Variants in INTS6L observed in about 807,000 individuals in gnomAD.
INTS6L encodes the protein integrator complex subunit 6 like, also known as integrator complex subunit 6-like.
Under a neutral mutation model 64.7 loss-of-function variants are expected in INTS6L, and 18 were observed. The observed-to-expected ratio is 0.28, with a 90% confidence interval of 0.19 to 0.41. INTS6L has a LOEUF of 0.41. Among genes scored for constraint, INTS6L ranks in the 10% least tolerant of loss-of-function variants. The pLI, the probability that INTS6L is intolerant of heterozygous loss-of-function variation, is 1.00. For synonymous variants in INTS6L, 227 were observed against 235.9 expected (o/e 0.96, Z 0.34); for missense variants, 533 against 661.0 (o/e 0.81, Z 2.12).
chrX:135,545,899 A>G (rs2086341332), intron 3 of INTS6L, among the ~76,000 whole-genome samples: 1 of 111,459 alleles, frequency 9.0e-6, no homozygotes, highest in East Asian at 2.8e-4. Flanking sequence ...AATTTGATGA[A>G]AAAGCTCTAG....
chrX:135,570,796 A>G (rs1324037131), intron 11 of INTS6L: 7 of 306,873 alleles, frequency 2.3e-5, no homozygotes, highest in Non-Finnish European at 4.0e-5. Context: ...AAGCTGGTTG[A>G]TATGGGGCAG....
chrX:135,548,332 T>C (rs1190037763), intron 6 of INTS6L, among the ~76,000 whole-genome samples: 1 of 111,046 alleles, frequency 9.0e-6, no homozygotes, highest in Admixed American at 9.6e-5. Flanking sequence ...AGTGACACAT[T>C]CACAATTTTG....
chrX:135,562,564 T>C (rs1246797078), intron 9 of INTS6L, among the ~76,000 whole-genome samples: 2 of 111,940 alleles, frequency 1.8e-5, no homozygotes, highest in African/African-American at 3.2e-5. Context: ...TTCTGTCTAT[T>C]TGCTCTATCA....
chrX:135,549,509 C>G, intron 6 of INTS6L, 133 bp from the exon 7 acceptor site: 54 of 719,205 alleles, frequency 7.5e-5, no homozygotes, highest in Non-Finnish European at 3.0e-5. Context: ...ACTTTTTTTT[C>G]TTCTTCCATT....
intron 15 of INTS6L, 122 bp downstream of exon 15, chrX:135,577,549 C>A: frequency 1.5e-6 from 1 of 679,061 alleles, no homozygotes; most frequent in Non-Finnish European, 2.2e-6. Flanking sequence ...TAAGCCATTA[C>A]TAAATCATCT....
At chrX:135,527,970 G>A (rs2148563765) in intron 2 of INTS6L, among the ~76,000 whole-genome samples, 1 of 111,241 alleles carries the variant, frequency 9.0e-6, no homozygotes, top group South Asian at 3.9e-4. Context: ...TTCACAGAGT[G>A]AAAAAATATG....
chrX:135,563,633 G>GTATATATA (rs1221791167), intron 9 of INTS6L, among the ~76,000 whole-genome samples: 1 of 10,383 alleles, frequency 9.6e-5, no homozygotes, highest in East Asian at 2.2e-3. Context: ...GTGTGTGTGT[G>GTATATATA]TATATATATA....
intron 4 of INTS6L, 116 bp downstream of exon 4, chrX:135,546,585 C>A: frequency 9.9e-7 from 1 of 1,008,996 alleles, no homozygotes; most frequent in Non-Finnish European, 1.3e-6. Context: ...CTTGGTAATC[C>A]TTGAAAGACT....
At chrX:135,553,625 A>G (rs1556517929) in intron 8 of INTS6L, among the ~76,000 whole-genome samples, 6 of 108,670 alleles carry the variant, frequency 5.5e-5, no homozygotes, top group Non-Finnish European at 1.9e-5. Context: ...GCCTGGCCAT[A>G]TTCTGTTTTT....
chrX:135,526,276 T>TG (rs1303696970), intron 2 of INTS6L, among the ~76,000 whole-genome samples: 1 of 111,198 alleles, frequency 9.0e-6, no homozygotes, highest in Non-Finnish European at 1.9e-5. Context: ...CATTCCCCTA[T>TG]GAAAAAAAAA....
At chrX:135,546,515 A>G (rs375005472) in intron 4 of INTS6L, 46 bp downstream of exon 4, 117 of 1,041,126 alleles carry the variant, frequency 1.1e-4, no homozygotes, top group Non-Finnish European at 1.4e-4. Flanking sequence ...GGCAGGGAAC[A>G]TGCAGCTATT....
intron 8 of INTS6L, among the ~76,000 whole-genome samples, chrX:135,554,883 CTTTTTTTTTT>C (rs35845600): frequency 2.0e-5 from 1 of 50,472 alleles, no homozygotes; most frequent in Admixed American, 3.7e-4. Context: ...ACCAGCATAA[CTTTTTTTTTT>C]TTTTTTTTTT....
At chrX:135,524,076 T>G (rs1386116498) in intron 2 of INTS6L, among the ~76,000 whole-genome samples, 1 of 111,803 alleles carries the variant, frequency 8.9e-6, no homozygotes, top group Non-Finnish European at 1.9e-5. Flanking sequence ...ATGCCATATT[T>G]TGGTAGCATT....
At chrX:135,578,127 C>T (rs988952238) in intron 15 of INTS6L, among the ~76,000 whole-genome samples, 1 of 111,474 alleles carries the variant, frequency 9.0e-6, no homozygotes, top group Non-Finnish European at 1.9e-5. Context: ...CATAGGGCCT[C>T]AAAACTCAAT....
At chrX:135,521,154 G>C (rs782474025) in intron 1 of INTS6L, 51 bp downstream of exon 1, 1 of 1,185,743 alleles carries the variant, frequency 8.4e-7, no homozygotes, top group Non-Finnish European at 1.1e-6. Flanking sequence ...GGATTTCAGG[G>C]TGTGGATTGA....
At position 135,520,864 on chromosome X, in the gene INTS6L, C is replaced by G. The variant is rs1167823531; in HGVS notation, c.-129C>G. The G allele has an allele frequency of 3.4e-5, 23 of 671,755 alleles. No individual in the cohort carries two copies. Among genetic ancestry groups the G allele is most frequent in the Non-Finnish European group, 5.3e-5 (23 of 433,858 alleles). The allele number at this position is 671,755 out of a possible 1,213,427, so 55.4% of individuals were successfully genotyped here. ...CGGTCCCATCCGTCCCGTCCCGTCC[C>G]GTCTCCCCCTCTTCCTCTTGCTCCT... On this transcript the variant is annotated 5_prime_UTR_variant, in exon 1 of 18. Coordinates refer to ENST00000639893, the MANE Select transcript of INTS6L (RefSeq NM_001351601.3).
At chrX:135,540,132 C>T (rs1427767304) in intron 2 of INTS6L, among the ~76,000 whole-genome samples, 5 of 111,840 alleles carry the variant, frequency 4.5e-5, no homozygotes, top group Non-Finnish European at 9.4e-5. Context: ...AGCAAAGCAC[C>T]ATAAAATGAG....
intron 2 of INTS6L, among the ~76,000 whole-genome samples, chrX:135,537,947 A>T (rs189908947): frequency 8.9e-6 from 1 of 112,319 alleles, no homozygotes; most frequent in Non-Finnish European, 1.9e-5. Flanking sequence ...TGCTAAAAAA[A>T]TGTTAATGAT....
intron 11 of INTS6L, 191 bp downstream of exon 11, chrX:135,570,737 T>A: frequency 2.2e-6 from 1 of 454,885 alleles, no homozygotes; most frequent in Non-Finnish European, 3.4e-6. Context: ...GTCAGTATCA[T>A]TTGATGCTGT....
Sources: gnomAD v4.1 joint callset for allele counts (sites outside exome capture counted in the v4.1 genomes callset) on GRCh38, gnomAD v4.1.1 for gene constraint, MANE v1.5 for transcripts, NCBI Gene and HGNC (gene_info 2026-07-23, HGNC 2026-07-21) for gene names.